Variants in OPHN1 observed in about 807,000 individuals in gnomAD.
OPHN1 encodes the protein oligophrenin 1, also known as oligophrenin-1.
In OPHN1, 11 loss-of-function variants were observed where a neutral mutation model predicts 60.7. The observed-to-expected ratio is 0.18, with a 90% CI of 0.11 to 0.30. OPHN1 has a LOEUF of 0.30. Among genes scored for constraint, OPHN1 ranks in the 10% least tolerant of loss-of-function variants. The pLI, the probability that OPHN1 is intolerant of heterozygous loss-of-function variation, is 1.00. For missense variants in OPHN1, 449 were observed against 611.0 expected (o/e 0.73, Z 2.80); for synonymous variants, 226 against 222.6 (o/e 1.02, Z -0.14).
intron 8 of OPHN1, among the ~76,000 whole-genome samples, chrX:68,210,518 T>C: frequency 9.0e-6 from 1 of 111,448 alleles, no homozygotes; most frequent in Non-Finnish European, 1.9e-5. Flanking sequence ...AAATAACAAC[T>C]GGGAGGCTTT....
At chrX:68,184,724 G>A (rs1040201007) in intron 15 of OPHN1, among the ~76,000 whole-genome samples, 2 of 109,969 alleles carry the variant, frequency 1.8e-5, no homozygotes, top group Non-Finnish European at 3.8e-5. Flanking sequence ...AGCCTCCAGA[G>A]TAGCTGGGAT....
chrX:68,280,969 G>A (rs1051705699), intron 4 of OPHN1, among the ~76,000 whole-genome samples: 1 of 111,627 alleles, frequency 9.0e-6, no homozygotes, highest in African/African-American at 3.2e-5. Context: ...GATAACCCAC[G>A]TTTATAATTA....
At position 68,357,652 on chromosome X, in the gene OPHN1, T is replaced by C. The variant is rs749637659; in HGVS notation, c.155-58556A>G. 4.2e-3 allele frequency among the ~76,000 whole-genome samples: 463 copies of C among 111,274 alleles called. 4 individuals carry two copies. Among genetic ancestry groups the C allele is most frequent in the Non-Finnish European group, 6.8e-3 (361 of 53,117 alleles). On this transcript the variant is annotated intron_variant, in intron 2 of 24. Coordinates refer to ENST00000355520, the MANE Select transcript of OPHN1 (RefSeq NM_002547.3). ...CACATTTTCTTAATCCAGTCTATCA[T>C]TGTTGGACATGTGGGTTGGTTCCAA...
intron 20 of OPHN1, among the ~76,000 whole-genome samples, chrX:68,070,295 T>C (rs909720677): frequency 9.0e-6 from 1 of 111,488 alleles, no homozygotes; most frequent in Non-Finnish European, 1.9e-5. Context: ...CACAATGGTT[T>C]AGTCACTAAG....
chrX:68,153,314 C>A (rs2077294488), intron 15 of OPHN1, among the ~76,000 whole-genome samples: 1 of 110,873 alleles, frequency 9.0e-6, no homozygotes, highest in South Asian at 3.8e-4. Flanking sequence ...TATTTTGACA[C>A]CAATAGTAAA....
chrX:68,133,459 T>C, intron 15 of OPHN1: 1 of 585,871 alleles, frequency 1.7e-6, no homozygotes, highest in Non-Finnish European at 2.9e-6. Flanking sequence ...GTTATGTATC[T>C]GGGTACCAGG....
At chrX:68,350,464 C>CTTCCTCCCTTCA in intron 2 of OPHN1, among the ~76,000 whole-genome samples, 1 of 79,436 alleles carries the variant, frequency 1.3e-5, no homozygotes, top group African/African-American at 5.5e-5. Context: ...CCCTTCCTTC[C>CTTCCTCCCTTCA]TTCCTTCCTC....
At chrX:68,111,208 TGGC>T (rs1290882631) in intron 18 of OPHN1, among the ~76,000 whole-genome samples, 1 of 112,484 alleles carries the variant, frequency 8.9e-6, no homozygotes, top group South Asian at 3.7e-4. Flanking sequence ...CCAGGTCTGC[TGGC>T]TCCTGGACAG....
Position 68,200,915 on chromosome X carries a change from C to A in OPHN1, c.1025+704G>T, listed in dbSNP as rs377105009. Among the ~76,000 whole-genome samples, 448 of 111,969 alleles carry A rather than the reference C, an allele frequency of 4.0e-3. 4 individuals are homozygous for A. The highest frequency in any genetic ancestry group is 0.014 in the African/African-American group (428 of 30,864). ...ATTTATTCTGTTTATTTTGGTACAA[C>A]CACCCAACTATAAAGCATGTCTTTC... On this transcript the variant is annotated intron_variant, in intron 11 of 24. Coordinates refer to ENST00000355520, the MANE Select transcript of OPHN1 (RefSeq NM_002547.3).
At chrX:68,096,598 A>G (rs2077039035) in intron 19 of OPHN1, among the ~76,000 whole-genome samples, 1 of 111,621 alleles carries the variant, frequency 9.0e-6, no homozygotes, top group African/African-American at 3.3e-5. Flanking sequence ...ACACATTGTT[A>G]ACACCTTAAA....
At chrX:68,112,831 G>A (rs899726569) in intron 17 of OPHN1, among the ~76,000 whole-genome samples, 5 of 112,078 alleles carry the variant, frequency 4.5e-5, no homozygotes, top group Admixed American at 9.5e-5. Context: ...AAGTTGAAAC[G>A]GCAACTGTCG....
At chrX:68,118,816 T>C (rs1005553354) in intron 16 of OPHN1, among the ~76,000 whole-genome samples, 5 of 111,443 alleles carry the variant, frequency 4.5e-5, no homozygotes, top group Non-Finnish European at 9.4e-5. Flanking sequence ...TAAGACATGA[T>C]ACGTAGCACA....
At chrX:68,128,419 T>C (rs192636726) in intron 15 of OPHN1, among the ~76,000 whole-genome samples, 10 of 111,335 alleles carry the variant, frequency 9.0e-5, no homozygotes, top group Admixed American at 4.8e-4. Flanking sequence ...TGAATGAAGA[T>C]ATAAAAATCA....
At chrX:68,050,583 T>C (rs972547892) in intron 23 of OPHN1, among the ~76,000 whole-genome samples, 1 of 111,958 alleles carries the variant, frequency 8.9e-6, no homozygotes, top group African/African-American at 3.2e-5. Context: ...TCTTCATGCT[T>C]CTTACATATT....
At chrX:68,241,271 A>G (rs1230075219) in intron 5 of OPHN1, among the ~76,000 whole-genome samples, 1 of 112,137 alleles carries the variant, frequency 8.9e-6, no homozygotes, top group Non-Finnish European at 1.9e-5. Context: ...CTGGGCAATT[A>G]TTATCAGTTT....
intron 15 of OPHN1, among the ~76,000 whole-genome samples, chrX:68,191,947 C>CTCTT (rs1192016609): frequency 9.0e-6 from 1 of 111,144 alleles, no homozygotes; most frequent in Non-Finnish European, 1.9e-5. Context: ...AAATTCAGTC[C>CTCTT]TCTTTAAAAG....
chrX:68,182,188 G>GTTTTTT lies in OPHN1; in HGVS notation c.1276+10725_1276+10730dup, dbSNP rs397951860. Among the ~76,000 whole-genome samples the GTTTTTT allele has an allele frequency of 4.3e-4, 20 of 46,130 alleles. 1 individual carries two copies. The highest frequency in any genetic ancestry group is 1.2e-3 in the African/African-American group (15 of 12,075). 40.1% of individuals were successfully genotyped at this position (46,130 alleles called of 115,157 possible). A position where few individuals can be genotyped will look rare whatever the true frequency, so the allele number is the denominator to read the frequency against. ...TTGGGACTGACATAGAAGCTCTGTA[G>GTTTTTT]TTTTTTTTTTTTTTTTTTTTTTTCC... On this transcript the variant is annotated intron_variant, in intron 15 of 24. Coordinates refer to ENST00000355520, the MANE Select transcript of OPHN1 (RefSeq NM_002547.3).
intron 19 of OPHN1, 81 bp downstream of exon 19, chrX:68,096,789 A>G: frequency 1.0e-6 from 1 of 984,690 alleles, no homozygotes; most frequent in Non-Finnish European, 1.4e-6. Flanking sequence ...TGAGCCAAGG[A>G]GGAAGACACA....
chrX:68,150,005 A>G (rs1482888267), intron 15 of OPHN1, among the ~76,000 whole-genome samples: 1 of 111,984 alleles, frequency 8.9e-6, no homozygotes, highest in Non-Finnish European at 1.9e-5. Context: ...TACAATATGG[A>G]CAAAACTCAT....
Sources: gnomAD v4.1 joint callset for allele counts (sites outside exome capture counted in the v4.1 genomes callset) on GRCh38, gnomAD v4.1.1 for gene constraint, MANE v1.5 for transcripts, NCBI Gene and HGNC (gene_info 2026-07-23, HGNC 2026-07-21) for gene names.